ELMO1: variants seen among roughly 807,000 people sequenced by gnomAD.
ELMO1 encodes engulfment and cell motility protein 1.
Under a neutral mutation model 98.9 loss-of-function variants are expected in ELMO1, and 26 were observed. The observed-to-expected ratio is 0.26, with a 90% CI of 0.19 to 0.36. The LOEUF (loss-of-function observed/expected upper bound fraction) is 0.36, where lower values mean the gene tolerates loss of function less well. Among genes scored for constraint, ELMO1 ranks in the 10% least tolerant of loss-of-function variants. The pLI is 1.00. For missense variants in ELMO1, 627 were observed against 935.2 expected, an observed-to-expected ratio of 0.67 and a Z score of 4.30; for synonymous variants, 346 against 346.0, an observed-to-expected ratio of 1.00 and a Z score of 0.00.
chr7:37,108,163 C>G (rs1250347641), intron 14 of ELMO1, among the ~76,000 whole-genome samples: 2 of 152,138 alleles, frequency 1.3e-5, no homozygotes, highest in African/African-American at 2.4e-5. Context: ...CCTATTACAT[C>G]TAGCTTTTTA....
chr7:37,072,921 G>A (rs77406639), intron 15 of ELMO1, among the ~76,000 whole-genome samples: 2,923 of 152,244 alleles, frequency 0.019, 109 homozygotes, highest in African/African-American at 0.067. Flanking sequence ...TGACAAAGAG[G>A]TTTCTTGGTT....
intron 16 of ELMO1, among the ~76,000 whole-genome samples, chr7:36,918,069 T>C (rs1378620702): frequency 6.6e-6 from 1 of 152,168 alleles, no homozygotes; most frequent in Non-Finnish European, 1.5e-5. Context: ...ATTTTAGTTC[T>C]AGCATATTAG....
At chr7:36,969,053 T>C (rs1010502601) in intron 16 of ELMO1, among the ~76,000 whole-genome samples, 2 of 152,142 alleles carry the variant, frequency 1.3e-5, no homozygotes, top group South Asian at 4.1e-4. Context: ...TTTAGCCATG[T>C]AAGTGATGCA....
intron 16 of ELMO1, among the ~76,000 whole-genome samples, chr7:36,915,467 T>G (rs1262305266): frequency 6.6e-6 from 1 of 152,158 alleles, no homozygotes; most frequent in Non-Finnish European, 1.5e-5. Flanking sequence ...AGCAAAGATC[T>G]CCAAAGCTGT....
chr7:37,407,220 T>C (rs368459970), intron 1 of ELMO1, among the ~76,000 whole-genome samples: 1 of 152,076 alleles, frequency 6.6e-6, no homozygotes, highest in Admixed American at 6.5e-5. Context: ...TGAAAGAACA[T>C]GGATGAGGGT....
chr7:37,161,021 T>C (rs897049193), intron 13 of ELMO1, among the ~76,000 whole-genome samples: 9 of 152,128 alleles, frequency 5.9e-5, no homozygotes, highest in African/African-American at 1.9e-4. Flanking sequence ...AGTAATAGTA[T>C]TACTCTCTCA....
At chr7:36,941,677 AAACCT>A in intron 16 of ELMO1, among the ~76,000 whole-genome samples, 1 of 152,350 alleles carries the variant, frequency 6.6e-6, no homozygotes, top group Middle Eastern at 3.4e-3. Flanking sequence ...ATAGAATGCC[AAACCT>A]AATAATTTGG....
At chr7:37,284,982 A>T (rs1797318590) in intron 4 of ELMO1, among the ~76,000 whole-genome samples, 1 of 152,216 alleles carries the variant, frequency 6.6e-6, no homozygotes, top group Admixed American at 6.5e-5. Context: ...GGAAGGCCTC[A>T]GGCCTCCTGC....
intron 1 of ELMO1, among the ~76,000 whole-genome samples, chr7:37,430,049 C>CA (rs2131558962): frequency 6.6e-6 from 1 of 152,312 alleles, no homozygotes; most frequent in South Asian, 2.1e-4. Context: ...ACCCTCCCTC[C>CA]ACATTTATAA....
rs567997203 is a variant in ELMO1 at position 37,237,391 on chromosome 7, G to T, written c.450-4197C>A. Among the ~76,000 whole-genome samples the T allele has an allele frequency of 1.8e-3, 280 of 152,278 alleles. 1 individual carries two copies. Among genetic ancestry groups the T allele is most frequent in the African/African-American group, 6.6e-3 (274 of 41,548 alleles). Reference sequence around the variant, plus strand: ...TGCAACCTCCACCTCCCAGGTTGAAGCGATTCTCCTGCCTCAGCCTCCCAA... The same window carrying T: ...TGCAACCTCCACCTCCCAGGTTGAATCGATTCTCCTGCCTCAGCCTCCCAA... On this transcript the variant is annotated intron_variant, in intron 7 of 21. Transcript: ENST00000310758.
chr7:37,213,354 T>G lies in ELMO1; in HGVS notation c.935A>C (p.Lys312Thr). The change falls in exon 12 of 22, where the codon AAA becomes ACA. Residue 312 changes from lysine to threonine, a missense_variant. This residue lies in a region of ELMO1 where 492 missense variants were observed against 715.6 expected (regional missense o/e 0.69). Transcript: ENST00000310758. ...FNLLEDRMMT[K>T]MDPQDQAQRD... is the part of the protein sequence containing the mutation. Reference sequence around the variant, plus strand: ...ACTCACCTGGTCCTGGGGGTCCATTTTGGTCATCATCCTGTCTTCCAGGAG... The same window carrying G: ...ACTCACCTGGTCCTGGGGGTCCATTGTGGTCATCATCCTGTCTTCCAGGAG... The G allele has an allele frequency of 6.2e-7, 1 of 1,612,996 alleles. No homozygotes were observed. The highest frequency in any genetic ancestry group is 8.5e-7 in the Non-Finnish European group (1 of 1,179,714).
intron 13 of ELMO1, chr7:37,211,169 T>G: frequency 3.5e-6 from 2 of 574,780 alleles, no homozygotes; most frequent in Non-Finnish European, 6.0e-6. Context: ...AATAAACAAA[T>G]GCAGTATTAG....
intron 16 of ELMO1, among the ~76,000 whole-genome samples, chr7:37,001,304 C>T (rs978225717): frequency 3.3e-5 from 5 of 152,216 alleles, no homozygotes; most frequent in South Asian, 2.1e-4. Flanking sequence ...CATATTAAGA[C>T]GGTGTATATG....
At chr7:36,984,577 C>T (rs571364830) in intron 16 of ELMO1, among the ~76,000 whole-genome samples, 1 of 152,196 alleles carries the variant, frequency 6.6e-6, no homozygotes, top group Non-Finnish European at 1.5e-5. Context: ...TCTAGAGCCA[C>T]GTGAAGACCC....
intron 2 of ELMO1, among the ~76,000 whole-genome samples, chr7:37,335,293 G>C (rs1800339666): frequency 2.0e-5 from 3 of 152,130 alleles, no homozygotes. Context: ...GTAGAGAGCT[G>C]GGAGAAGGCA....
intron 1 of ELMO1, among the ~76,000 whole-genome samples, chr7:37,346,031 C>G (rs2252424): frequency 0.93 from 141,125 of 151,392 alleles, 65,888 homozygotes; most frequent in Non-Finnish European, 0.96. Context: ...GAGGATGGGG[C>G]CCCTGTGGAC....
intron 13 of ELMO1, among the ~76,000 whole-genome samples, chr7:37,168,454 C>T (rs1024094704): frequency 1.3e-5 from 2 of 152,064 alleles, no homozygotes; most frequent in African/African-American, 2.4e-5. Context: ...TGTTTTTTCC[C>T]CATCTTTGTG....
intron 16 of ELMO1, among the ~76,000 whole-genome samples, chr7:36,920,771 C>A (rs576200944): frequency 2.6e-5 from 4 of 152,056 alleles, no homozygotes; most frequent in Admixed American, 6.5e-5. Flanking sequence ...TCCTGAAATG[C>A]CGTCTTGCTT....
At chr7:36,975,150 T>C (rs1306261764) in intron 16 of ELMO1, among the ~76,000 whole-genome samples, 2 of 152,176 alleles carry the variant, frequency 1.3e-5, no homozygotes, top group African/African-American at 4.8e-5. Context: ...TATGTATCGC[T>C]CAGACATTTT....
Sources: allele counts gnomAD v4.1 joint callset (sites outside exome capture counted in the v4.1 genomes callset), GRCh38; gene constraint gnomAD v4.1.1; regional missense constraint gnomAD v4.1.1; transcripts MANE v1.5; gene names NCBI Gene and HGNC (gene_info 2026-07-23, HGNC 2026-07-21).